ACKR3: variants seen among roughly 807,000 people sequenced by gnomAD.
The protein encoded by ACKR3 is atypical chemokine receptor 3, also known as C-X-C chemokine receptor type 7.
A neutral mutation model predicts 22.4 loss-of-function variants in ACKR3; 6 were observed. That is an observed-to-expected ratio of 0.27 (90% CI 0.15 to 0.53). ACKR3 has a LOEUF of 0.53. ACKR3 is among the 20% of genes least tolerant of loss of function. The pLI is 0.96. For synonymous variants in ACKR3, 209 were observed against 205.2 expected (o/e 1.02, Z -0.16); for missense variants, 396 against 475.2 (o/e 0.83, Z 1.55).
the ACKR3 span, among the ~76,000 whole-genome samples, chr2:236,545,041 G>A: frequency 6.6e-6 from 1 of 152,160 alleles, no homozygotes; most frequent in Non-Finnish European, 1.5e-5. The surrounding 1 kb of genome is among the most constrained non-coding windows in gnomAD (Gnocchi z 5.3). Flanking sequence ...GAAGACACAT[G>A]GCCCCCAAGG....
the ACKR3 span, among the ~76,000 whole-genome samples, chr2:236,559,451 G>GT: frequency 6.6e-6 from 1 of 152,080 alleles, no homozygotes; most frequent in Non-Finnish European, 1.5e-5. Flanking sequence ...CTGCCCCAGG[G>GT]TAACCTCTGT....
upstream of ACKR3, among the ~76,000 whole-genome samples, chr2:236,569,054 A>G (rs1691249840): frequency 6.6e-6 from 1 of 152,192 alleles, no homozygotes; most frequent in African/African-American, 2.4e-5. Flanking sequence ...CTTTAGCAAT[A>G]CGCATCCAAA....
the ACKR3 span, among the ~76,000 whole-genome samples, chr2:236,543,225 T>C: frequency 6.6e-6 from 1 of 152,180 alleles, no homozygotes; most frequent in African/African-American, 2.4e-5. Context: ...CCCACTTGCC[T>C]CTGGGGATCT....
At chr2:236,564,535 G>A (rs1380832454), upstream of ACKR3, among the ~76,000 whole-genome samples, 1 of 152,074 alleles carries the variant, frequency 6.6e-6, no homozygotes, top group African/African-American at 2.4e-5. Flanking sequence ...ATCACACTGA[G>A]GCTGAGATTT....
At chr2:236,548,977 C>G in the ACKR3 span, among the ~76,000 whole-genome samples, 3 of 152,180 alleles carry the variant, frequency 2.0e-5, no homozygotes, top group African/African-American at 4.8e-5. The surrounding 1 kb of genome is among the most constrained non-coding windows in gnomAD (Gnocchi z 4.3). Flanking sequence ...ACTTGAGCAT[C>G]TTTTGGTCGA....
chr2:236,571,841 A>AT (rs555413538), intron 1 of ACKR3, among the ~76,000 whole-genome samples: 145 of 150,162 alleles, frequency 9.7e-4, no homozygotes, highest in Middle Eastern at 3.5e-3. Flanking sequence ...AAAACTTTAG[A>AT]TTTTTTTTTT....
At chr2:236,568,652 G>A (rs147947700), upstream of ACKR3, among the ~76,000 whole-genome samples, 78 of 152,368 alleles carry the variant, frequency 5.1e-4, 1 homozygote, top group African/African-American at 1.8e-3. Flanking sequence ...AAAATGTGAA[G>A]CTTTTAGCTA....
chr2:236,580,455 G>A lies in ACKR3; in HGVS notation c.-11G>A, dbSNP rs373262870. 65 of 1,594,820 alleles carry A rather than the reference G, an allele frequency of 4.1e-5. No homozygotes were observed. The highest frequency in any genetic ancestry group is 9.0e-5 in the East Asian group (4 of 44,382). ...TTTCTCATAGGTCATTTGATTGCCC[G>A]CCTCAGAACGATGGATCTGCATCTC... On this transcript the variant is annotated 5_prime_UTR_variant, in exon 2 of 2. Coordinates refer to ENST00000272928, the MANE Select transcript of ACKR3 (RefSeq NM_020311.3).
chr2:236,569,658 A>T (rs1192862909), upstream of ACKR3: 1 of 152,056 alleles, frequency 6.6e-6, no homozygotes, highest in Non-Finnish European at 1.5e-5. Flanking sequence ...TGCAGGAAAC[A>T]ACAGACTAGT....
In ACKR3 at chr2:236,577,903, C is replaced by T. The variant is rs932106009; in HGVS notation, c.-26-2537C>T. ...CTCCCTCTGGACCCAGCTGCTGTCC[C>T]TGCTGCTGCCCAGCTGTGGGGCGGT... On this transcript the variant is annotated intron_variant, in intron 1 of 1. Transcript: ENST00000272928. This position sits in a 1 kb window ranked among gnomAD's most constrained non-coding sequence, Gnocchi z 5.6. Among the ~76,000 whole-genome samples the T allele has an allele frequency of 6.6e-6, 1 of 152,230 alleles. No individual in the cohort carries two copies. Among genetic ancestry groups the T allele is most frequent in the Non-Finnish European group, 1.5e-5 (1 of 68,042 alleles).
chr2:236,548,700 C>G, the ACKR3 span, among the ~76,000 whole-genome samples: 2 of 152,210 alleles, frequency 1.3e-5, no homozygotes, highest in Non-Finnish European at 2.9e-5. The surrounding 1 kb of genome is among the most constrained non-coding windows in gnomAD (Gnocchi z 4.3). Flanking sequence ...CTCCATGTGA[C>G]TCTCTAATGG....
the ACKR3 span, among the ~76,000 whole-genome samples, chr2:236,560,996 T>C: frequency 3.3e-5 from 5 of 152,230 alleles, no homozygotes; most frequent in African/African-American, 1.2e-4. Context: ...GAAATTCTGA[T>C]ATACGTGACA....
intron 1 of ACKR3, among the ~76,000 whole-genome samples, chr2:236,579,856 C>T (rs913975928): frequency 1.3e-5 from 2 of 152,288 alleles, no homozygotes; most frequent in African/African-American, 2.4e-5. Flanking sequence ...ACTGGGGCCG[C>T]CTGAGACCCA....
chr2:236,566,779 G>A (rs577981576), upstream of ACKR3, among the ~76,000 whole-genome samples: 6 of 86,096 alleles, frequency 7.0e-5, no homozygotes, highest in South Asian at 2.0e-3. Flanking sequence ...CTTTGCTAGG[G>A]CCTGCCTTTC....
At chr2:236,559,439 G>T in the ACKR3 span, among the ~76,000 whole-genome samples, 1 of 152,012 alleles carries the variant, frequency 6.6e-6, no homozygotes, top group Non-Finnish European at 1.5e-5. Context: ...CCCTCTCTCT[G>T]CCTGCCCCAG....
the ACKR3 span, among the ~76,000 whole-genome samples, chr2:236,552,531 C>T: frequency 6.6e-6 from 1 of 152,156 alleles, no homozygotes; most frequent in Non-Finnish European, 1.5e-5. Context: ...TGATTCAAAA[C>T]AACTTTCCTT....
the ACKR3 span, among the ~76,000 whole-genome samples, chr2:236,554,120 G>A: frequency 5.9e-5 from 9 of 152,140 alleles, no homozygotes; most frequent in South Asian, 2.1e-4. Flanking sequence ...GTCCTAGGTG[G>A]CTCTGATATC....
chr2:236,566,653 T>G (rs1364592923), upstream of ACKR3, among the ~76,000 whole-genome samples: 2 of 150,406 alleles, frequency 1.3e-5, no homozygotes, highest in Non-Finnish European at 3.0e-5. Context: ...CTCTGTTTAA[T>G]CCAGTATTTA....
At chr2:236,578,365 T>C (rs902248827) in intron 1 of ACKR3, among the ~76,000 whole-genome samples, 6 of 152,196 alleles carry the variant, frequency 3.9e-5, no homozygotes, top group African/African-American at 7.2e-5. Flanking sequence ...ATGGGCAGCC[T>C]CCCATGCTTG....
Sources: gnomAD v4.1 joint callset for allele counts (sites outside exome capture counted in the v4.1 genomes callset) on GRCh38, gnomAD v4.1.1 for gene constraint, Gnocchi (gnomAD v3.1) non-coding constraint, MANE v1.5 for transcripts, NCBI Gene and HGNC (gene_info 2026-07-23, HGNC 2026-07-21) for gene names.